ADGRE2: variants seen among roughly 807,000 people sequenced by gnomAD.
The protein encoded by ADGRE2 is CD97 antigen.
ADGRE2 carries 83 observed loss-of-function variants against 100.8 expected under a neutral mutation model. That is an observed-to-expected ratio of 0.82 (90% CI 0.69 to 0.99). ADGRE2 has a LOEUF of 0.99. ADGRE2 is among the 50% of genes least tolerant of loss of function. The pLI, the probability that ADGRE2 is intolerant of heterozygous loss-of-function variation, is 0.00. For synonymous variants in ADGRE2, 355 were observed against 413.0 expected, an observed-to-expected ratio of 0.86 and a Z score of 1.70; for missense variants, 814 against 1,035.7, an observed-to-expected ratio of 0.79 and a Z score of 2.94.
downstream of ADGRE2, chr19:14,731,066 G>GA: frequency 1.1e-6 from 1 of 890,374 alleles, no homozygotes; most frequent in Non-Finnish European, 1.8e-6. Context: ...ATGCTGCCCT[G>GA]GTCTCAAGCA....
At chr19:14,762,512 CA>C (rs2043763559) in intron 11 of ADGRE2, among the ~76,000 whole-genome samples, 1 of 152,096 alleles carries the variant, frequency 6.6e-6, no homozygotes, top group Non-Finnish European at 1.5e-5. Context: ...GGTTGCTTAC[CA>C]TGTGCAGTGT....
At chr19:14,761,360 C>T (rs542447237) in intron 11 of ADGRE2, among the ~76,000 whole-genome samples, 4 of 152,212 alleles carry the variant, frequency 2.6e-5, no homozygotes, top group South Asian at 2.1e-4. Context: ...GAGCCAGGAT[C>T]GCACCACTGC....
chr19:14,724,777 A>G, the ADGRE2 span, among the ~76,000 whole-genome samples: 2 of 151,996 alleles, frequency 1.3e-5, no homozygotes, highest in African/African-American at 4.8e-5. Flanking sequence ...AAAAAGAAAA[A>G]CTTTGTTTAA....
At chr19:14,747,414 C>T (rs767903132) in intron 16 of ADGRE2, among the ~76,000 whole-genome samples, 13 of 152,070 alleles carry the variant, frequency 8.5e-5, no homozygotes, top group Non-Finnish European at 1.5e-4. Flanking sequence ...GTGGGAGGAT[C>T]GCTTGAGTCC....
At chr19:14,758,758 G>A (rs558596557) in intron 11 of ADGRE2, among the ~76,000 whole-genome samples, 2 of 151,944 alleles carry the variant, frequency 1.3e-5, no homozygotes, top group Admixed American at 1.3e-4. Context: ...GGTGGTGGGC[G>A]CCTGTAGTCC....
At position 14,743,740 on chromosome 19, in the gene ADGRE2, C is replaced by A. The variant is rs147300399; in HGVS notation, c.2228G>T (p.Cys743Phe). The A allele has an allele frequency of 2.8e-5, 45 of 1,614,102 alleles. No homozygotes were observed. The highest frequency in any genetic ancestry group is 3.7e-5 in the Non-Finnish European group (44 of 1,180,038). Residue 743 changes from cysteine (C) to phenylalanine (F), a missense_variant, in exon 19 of 21, where the codon TGC becomes TTC. Cys to Phe is a radical substitution (Grantham distance 205). Around this residue, in one of 5 missense-constraint regions of ADGRE2, gnomAD observed 569 missense variants for 692.7 expected, o/e 0.82. Coordinates refer to ENST00000315576, the MANE Select transcript of ADGRE2 (RefSeq NM_013447.4). ...KATAQLFILG[C>F]TWCLGILQVG... Reference sequence around the variant, plus strand: ...CTGCAAGATGCCCAGACACCACGTGCAGCCCAGGATGAACAGCTGAGCTGT... The same window carrying A: ...CTGCAAGATGCCCAGACACCACGTGAAGCCCAGGATGAACAGCTGAGCTGT...
Position 14,772,487 on chromosome 19 carries a change from C to CT in ADGRE2, c.209dup (p.Cys71ValfsTer31), listed in dbSNP as rs2044247492. On this transcript the variant is annotated frameshift_variant, in exon 5 of 21. Transcript: ENST00000315576. LOFTEE classifies it high-confidence loss of function. ...ATGACACTTTCGACAGTGTTGCACA[C>CT]TCGTTGATGTCTGGAACACAACAGG... 6.2e-7 allele frequency: 1 copy of CT among 1,613,872 alleles called. No individual in the cohort carries two copies. The highest frequency in any genetic ancestry group is 1.3e-5 in the African/African-American group (1 of 74,856).
In ADGRE2 at chr19:14,735,910, G is replaced by A. The variant is rs1445156445; in HGVS notation, c.*326C>T. On this transcript the variant is annotated 3_prime_UTR_variant, in exon 21 of 21. Coordinates refer to ENST00000315576, the MANE Select transcript of ADGRE2 (RefSeq NM_013447.4). The stretch of plus-strand genomic sequence containing the variant: ...TCCTGCTTCATTTTAAGATTTGGAG[G>A]AGTCTTTGTAGGAAGGAGAGGCTGT... The A allele has an allele frequency of 4.9e-6, 1 of 205,370 alleles. No homozygotes were observed. The highest frequency in any genetic ancestry group is 1.0e-4 in the East Asian group (1 of 9,618). The allele number at this position is 205,370 out of a possible 1,614,324, so 12.7% of individuals were successfully genotyped here.
the ADGRE2 span, among the ~76,000 whole-genome samples, chr19:14,726,127 C>T: frequency 0.036 from 5,521 of 152,248 alleles, 128 homozygotes; most frequent in Middle Eastern, 0.092. Flanking sequence ...CTGGAACCAC[C>T]AAAGCTTACA....
At chr19:14,770,026 A>G (rs1278666868) in intron 5 of ADGRE2, among the ~76,000 whole-genome samples, 2 of 152,148 alleles carry the variant, frequency 1.3e-5, no homozygotes, top group Non-Finnish European at 2.9e-5. Context: ...ACATGGCAAC[A>G]CACCTCCTCA....
At chr19:14,731,188 T>G, downstream of ADGRE2, 1 of 1,534,652 alleles carries the variant, frequency 6.5e-7, no homozygotes, top group Non-Finnish European at 8.7e-7. Context: ...CCCAACTAAT[T>G]TGGAAGAATT....
chr19:14,776,790 G>A lies in ADGRE2; in HGVS notation c.-34C>T. The stretch of plus-strand genomic sequence containing the variant: ...CTGAGCTGCCGGCAGGAGCAGCAGG[G>A]GAAAGAGTGAGTGGGACAGGGCTGT... On this transcript the variant is annotated 5_prime_UTR_variant, in exon 2 of 21. Coordinates refer to ENST00000315576, the MANE Select transcript of ADGRE2 (RefSeq NM_013447.4). The A allele has an allele frequency of 1.2e-6, 2 of 1,612,342 alleles. No individual in the cohort carries two copies. Among genetic ancestry groups the A allele is most frequent in the Non-Finnish European group, 1.7e-6 (2 of 1,179,300 alleles).
intron 10 of ADGRE2, 66 bp downstream of exon 10, chr19:14,765,253 GC>G: frequency 1.3e-6 from 2 of 1,572,186 alleles, no homozygotes; most frequent in Non-Finnish European, 8.7e-7. Flanking sequence ...GACCCAAACT[GC>G]CCCAGGCCTC....
In ADGRE2 at chr19:14,746,970, A is replaced by C; in HGVS notation, c.2025-8T>G. 6.3e-7 allele frequency: 1 copy of C among 1,595,292 alleles called. No individual in the cohort carries two copies. Among genetic ancestry groups the C allele is most frequent in the African/African-American group, 1.4e-5 (1 of 73,034 alleles). The stretch of plus-strand genomic sequence containing the variant: ...TCTGGTTGGAGCCAGCAGCTGAAAA[A>C]AGAGAGATTAAAAAAAATGCATCAG... On this transcript the variant is annotated splice_polypyrimidine_tract_variant and splice_region_variant and intron_variant, in intron 16 of 20. Transcript: ENST00000315576.
At chr19:14,729,253 T>A (rs537327867), downstream of ADGRE2, among the ~76,000 whole-genome samples, 15 of 152,290 alleles carry the variant, frequency 9.8e-5, no homozygotes, top group South Asian at 3.1e-3. Context: ...CAGATAATTC[T>A]TTGCTGTAGG....
At chr19:14,744,233 G>A (rs1181743647) in intron 18 of ADGRE2, among the ~76,000 whole-genome samples, 4 of 134,856 alleles carry the variant, frequency 3.0e-5, no homozygotes, top group South Asian at 2.6e-4. Context: ...GTGACAGAGC[G>A]AGACTCTGTC....
Position 14,735,137 on chromosome 19 carries a change from A to C in ADGRE2, c.*1099T>G, listed in dbSNP as rs1238797035. On this transcript the variant is annotated 3_prime_UTR_variant, in exon 21 of 21. Transcript: ENST00000315576. ...CAGGCTGTTCTTTGTTAGAAAAGAA[A>C]ATGATTTTGGGGGCTGCTTTTCATT... The C allele has an allele frequency of 1.3e-5, 2 of 152,182 alleles. No homozygotes were observed. The highest frequency in any genetic ancestry group is 2.9e-5 in the Non-Finnish European group (2 of 68,032). The allele number at this position is 152,182 out of a possible 1,614,324, so 9.4% of individuals were successfully genotyped here.
At chr19:14,725,141 A>G in the ADGRE2 span, among the ~76,000 whole-genome samples, 1 of 152,168 alleles carries the variant, frequency 6.6e-6, no homozygotes, top group African/African-American at 2.4e-5. Context: ...ACATCACATG[A>G]TGAGAATGGG....
At chr19:14,749,376 C>A (rs972578679) in intron 16 of ADGRE2, among the ~76,000 whole-genome samples, 1 of 140,924 alleles carries the variant, frequency 7.1e-6, no homozygotes, top group African/African-American at 2.6e-5. Flanking sequence ...TTAATGTGAT[C>A]ATATTATTTA....
Sources: allele counts gnomAD v4.1 joint callset (sites outside exome capture counted in the v4.1 genomes callset), GRCh38; gene constraint gnomAD v4.1.1; regional missense constraint gnomAD v4.1.1; transcripts MANE v1.5; gene names NCBI Gene and HGNC (gene_info 2026-07-23, HGNC 2026-07-21).